AIG1: variants seen among roughly 807,000 people sequenced by gnomAD.
The protein encoded by AIG1 is androgen-induced gene 1 protein.
AIG1 carries 23 observed loss-of-function variants against 31.4 expected under a neutral mutation model. The ratio of observed to expected loss-of-function variants is 0.73; its 90% confidence interval spans 0.53 to 1.04. The LOEUF (loss-of-function observed/expected upper bound fraction) is 1.04, where lower values mean the gene tolerates loss of function less well. AIG1 is among the 50% of genes least tolerant of loss of function. The pLI, the probability that AIG1 is intolerant of heterozygous loss-of-function variation, is 0.00. For missense variants in AIG1, 274 were observed against 295.0 expected (o/e 0.93, Z 0.52); for synonymous variants, 100 against 110.5 (o/e 0.90, Z 0.60).
intron 3 of AIG1, among the ~76,000 whole-genome samples, chr6:143,213,508 CTTTTTTT>C (rs746350692): frequency 3.6e-3 from 222 of 61,190 alleles, no homozygotes; most frequent in African/African-American, 7.9e-3. Context: ...TTTCTTTCTT[CTTTTTTT>C]TTTTTTTTTT....
In AIG1 at chr6:143,326,770, T is replaced by G. The variant is rs1350568113; in HGVS notation, c.516-6512T>G. ...CTAATTATTCTAAGTGGTGGCTAAC[T>G]AACAGTACAGGCAGAAAGAAGAATA... On this transcript the variant is annotated intron_variant, in intron 4 of 5. Coordinates refer to ENST00000357847, the MANE Select transcript of AIG1 (RefSeq NM_016108.4). This position sits in a 1 kb window ranked among gnomAD's most constrained non-coding sequence, Gnocchi z 4.5. 6.6e-6 allele frequency among the ~76,000 whole-genome samples: 1 copy of G among 152,092 alleles called. No individual in the cohort carries two copies. The highest frequency in any genetic ancestry group is 1.5e-5 in the Non-Finnish European group (1 of 68,020).
chr6:143,198,746 C>T (rs1160179461), intron 3 of AIG1, among the ~76,000 whole-genome samples: 1 of 152,166 alleles, frequency 6.6e-6, no homozygotes, highest in Non-Finnish European at 1.5e-5. Context: ...GAGGGAAGGG[C>T]ACATTTCTTT....
rs569508303 is a variant in AIG1 at position 143,327,893 on chromosome 6, G to A, written c.516-5389G>A. 1.2e-4 allele frequency among the ~76,000 whole-genome samples: 18 copies of A among 152,194 alleles called. No homozygotes were observed. In the East Asian group the frequency reaches 3.1e-3, roughly 26 times the overall value. On this transcript the variant is annotated intron_variant, in intron 4 of 5. Coordinates refer to ENST00000357847, the MANE Select transcript of AIG1 (RefSeq NM_016108.4). This position sits in a 1 kb window ranked among gnomAD's most constrained non-coding sequence, Gnocchi z 5.3. Reference sequence around the variant, plus strand: ...TGAGTTTGAGGTATCTTTAAGATGGGCAAAATGAGATGTCTTAAGAACAGT... The same window carrying A: ...TGAGTTTGAGGTATCTTTAAGATGGACAAAATGAGATGTCTTAAGAACAGT...
chr6:143,335,989 A>G (rs1011627733), intron 5 of AIG1, among the ~76,000 whole-genome samples: 2 of 151,554 alleles, frequency 1.3e-5, no homozygotes, highest in Non-Finnish European at 1.5e-5. Flanking sequence ...AGAATTGAGT[A>G]TCAGTTATCC....
chr6:143,304,064 T>C (rs1291720979), intron 4 of AIG1, among the ~76,000 whole-genome samples: 2 of 147,454 alleles, frequency 1.4e-5, no homozygotes, highest in Non-Finnish European at 3.0e-5. Context: ...TGTGTTTTTG[T>C]GCATTGATTT....
Position 143,334,182 on chromosome 6 carries a change from A to G in AIG1, c.679+737A>G. The G allele has an allele frequency of 7.3e-7, 1 of 1,373,750 alleles. No individual in the cohort carries two copies. Among genetic ancestry groups the G allele is most frequent in the Non-Finnish European group, 1.0e-6 (1 of 996,556 alleles). The allele number at this position is 1,373,750 out of a possible 1,614,324, so 85.1% of individuals were successfully genotyped here. ...ATTGAAAGGTGGAAAAAGCGCCAGC[A>G]CAGACATGTAGTGATTGAGTCCTGC... On this transcript the variant is annotated intron_variant, in intron 5 of 5. Coordinates refer to ENST00000357847, the MANE Select transcript of AIG1 (RefSeq NM_016108.4). The surrounding 1 kb of genome is among the most constrained non-coding windows in gnomAD (Gnocchi z 5.1).
chr6:143,088,651 G>A (rs1779021190), intron 1 of AIG1, among the ~76,000 whole-genome samples: 1 of 152,166 alleles, frequency 6.6e-6, no homozygotes, highest in Non-Finnish European at 1.5e-5. Context: ...AAGACCTCAT[G>A]TTTCCTGTTC....
At chr6:143,286,402 T>C (rs929115418) in intron 4 of AIG1, among the ~76,000 whole-genome samples, 5 of 152,196 alleles carry the variant, frequency 3.3e-5, no homozygotes, top group Non-Finnish European at 7.3e-5. Flanking sequence ...ACCAGTGAAT[T>C]CTCTCAGATT....
At chr6:143,196,108 A>G (rs1480880207) in intron 3 of AIG1, among the ~76,000 whole-genome samples, 1 of 152,180 alleles carries the variant, frequency 6.6e-6, no homozygotes, top group African/African-American at 2.4e-5. Context: ...TCCCAGCTTC[A>G]TGATAATGGC....
At chr6:143,117,436 A>G (rs917073844) in intron 1 of AIG1, among the ~76,000 whole-genome samples, 7 of 152,188 alleles carry the variant, frequency 4.6e-5, no homozygotes, top group Non-Finnish European at 1.0e-4. Flanking sequence ...TTAAAGATAG[A>G]GCCAACAGGA....
chr6:143,159,768 G>T (rs1189150442), intron 2 of AIG1, among the ~76,000 whole-genome samples: 1 of 152,194 alleles, frequency 6.6e-6, no homozygotes, highest in Non-Finnish European at 1.5e-5. Context: ...GAAGGCAAGG[G>T]CTGTGCTGAA....
chr6:143,186,498 A>G (rs945141668), intron 3 of AIG1, among the ~76,000 whole-genome samples: 1 of 152,228 alleles, frequency 6.6e-6, no homozygotes, highest in Non-Finnish European at 1.5e-5. Context: ...TGGCTCTGGT[A>G]ATATAGCTAA....
At position 143,256,132 on chromosome 6, in the gene AIG1, A is replaced by C. The variant is rs1048201765; in HGVS notation, c.400-27978A>C. Among the ~76,000 whole-genome samples, 1 of 152,228 alleles carries C rather than the reference A, an allele frequency of 6.6e-6. No individual in the cohort carries two copies. The highest frequency in any genetic ancestry group is 2.4e-5 in the African/African-American group (1 of 41,464). ...TAAACAGAATCCAAATTCAAAAGTA[A>C]CTGAGATAAATTTTAGGGCAAAAAT... On this transcript the variant is annotated intron_variant, in intron 3 of 5. Coordinates refer to ENST00000357847, the MANE Select transcript of AIG1 (RefSeq NM_016108.4). This position sits in a 1 kb window ranked among gnomAD's most constrained non-coding sequence, Gnocchi z 4.6.
intron 3 of AIG1, chr6:143,189,135 C>A: frequency 1.6e-6 from 1 of 609,716 alleles, no homozygotes; most frequent in Non-Finnish European, 2.1e-6. Flanking sequence ...CCTTAAACTG[C>A]AGGGCTCAAG....
intron 4 of AIG1, among the ~76,000 whole-genome samples, chr6:143,304,222 T>A (rs1405503252): frequency 7.7e-6 from 1 of 130,586 alleles, no homozygotes; most frequent in Admixed American, 7.8e-5. Flanking sequence ...TTTATTTCCT[T>A]CTCCTGCCTA....
intron 3 of AIG1, among the ~76,000 whole-genome samples, chr6:143,166,959 C>G (rs891788776): frequency 6.6e-6 from 1 of 152,112 alleles, no homozygotes; most frequent in Non-Finnish European, 1.5e-5. Flanking sequence ...TTAATTGATT[C>G]TTGATAAAAA....
intron 2 of AIG1, among the ~76,000 whole-genome samples, chr6:143,159,442 A>G (rs1255186075): frequency 6.6e-6 from 1 of 152,238 alleles, no homozygotes; most frequent in Admixed American, 6.5e-5. Context: ...AAAACCCACG[A>G]AAAAAAGAGC....
intron 3 of AIG1, among the ~76,000 whole-genome samples, chr6:143,180,253 G>C (rs1788595883): frequency 6.6e-6 from 1 of 152,176 alleles, no homozygotes; most frequent in Non-Finnish European, 1.5e-5. Context: ...AAATCACCCT[G>C]ATAGATATTG....
chr6:143,317,307 A>G (rs1775836864), intron 4 of AIG1, among the ~76,000 whole-genome samples: 1 of 152,230 alleles, frequency 6.6e-6, no homozygotes, highest in African/African-American at 2.4e-5. Flanking sequence ...ATAATCCACC[A>G]TGATCAAGTG....
Sources: allele counts gnomAD v4.1 joint callset (sites outside exome capture counted in the v4.1 genomes callset), GRCh38; gene constraint gnomAD v4.1.1; non-coding constraint Gnocchi (gnomAD v3.1); transcripts MANE v1.5; gene names NCBI Gene and HGNC (gene_info 2026-07-23, HGNC 2026-07-21).